The following NDST3 variants were observed in gnomAD, a reference collection of about 807,000 sequenced individuals.
NDST3 encodes N-deacetylase and N-sulfotransferase 3, also known as bifunctional heparan sulfate N-deacetylase/N-sulfotransferase 3.
NDST3 carries 58 observed loss-of-function variants against 96.1 expected under a neutral mutation model. The observed-to-expected ratio is 0.60, with a 90% CI of 0.49 to 0.75. The LOEUF (loss-of-function observed/expected upper bound fraction) is 0.75, where lower values mean the gene tolerates loss of function less well. Among genes scored for constraint, NDST3 ranks in the 30% least tolerant of loss-of-function variants. The pLI is 0.00. For missense variants in NDST3, 788 were observed against 1,034.2 expected, an observed-to-expected ratio of 0.76 and a Z score of 3.27; for synonymous variants, 333 against 359.7, an observed-to-expected ratio of 0.93 and a Z score of 0.84.
intron 6 of NDST3, among the ~76,000 whole-genome samples, chr4:118,192,724 TG>T (rs201176884): frequency 0.021 from 3,193 of 148,890 alleles, 126 homozygotes; most frequent in African/African-American, 0.076. Context: ...TTTTTTTTTT[TG>T]TTTTTATTGT....
At chr4:118,173,971 G>T (rs1736118112) in intron 6 of NDST3, among the ~76,000 whole-genome samples, 1 of 152,182 alleles carries the variant, frequency 6.6e-6, no homozygotes, top group African/African-American at 2.4e-5. Context: ...AAGAATAAAT[G>T]AAGCAGTGAC....
chr4:118,041,002 C>T (rs1466930125), intron 1 of NDST3, among the ~76,000 whole-genome samples: 1 of 151,428 alleles, frequency 6.6e-6, no homozygotes. Context: ...CCCACCTCAG[C>T]CTCCCCTCGT....
At chr4:118,076,405 AT>A (rs1163416124) in intron 2 of NDST3, among the ~76,000 whole-genome samples, 1 of 151,846 alleles carries the variant, frequency 6.6e-6, no homozygotes, top group Middle Eastern at 3.2e-3. Flanking sequence ...TAAGTTGCTC[AT>A]TTTCTCTCTG....
chr4:118,236,981 C>T, intron 9 of NDST3, 65 bp from the exon 10 acceptor site: 1 of 1,239,198 alleles, frequency 8.1e-7, no homozygotes, highest in Non-Finnish European at 1.1e-6. Context: ...ACACTTTTAA[C>T]ATCTTTGGTC....
intron 6 of NDST3, among the ~76,000 whole-genome samples, chr4:118,159,172 C>T (rs1408880628): frequency 6.6e-6 from 1 of 152,110 alleles, no homozygotes; most frequent in Non-Finnish European, 1.5e-5. Flanking sequence ...TGGATGGTTG[C>T]CCGAGAAACT....
chr4:118,192,016 T>A (rs1737338454), intron 6 of NDST3, among the ~76,000 whole-genome samples: 2 of 152,254 alleles, frequency 1.3e-5, no homozygotes, highest in African/African-American at 4.8e-5. Context: ...TAGTTTTGAT[T>A]TGCACTTCTC....
At chr4:118,199,722 T>C (rs1203303725) in intron 6 of NDST3, among the ~76,000 whole-genome samples, 1 of 152,164 alleles carries the variant, frequency 6.6e-6, no homozygotes, top group African/African-American at 2.4e-5. Flanking sequence ...TTCCAGATAT[T>C]CAAAAGGACT....
chr4:118,115,605 C>A (rs981373930), intron 4 of NDST3, among the ~76,000 whole-genome samples: 1 of 152,082 alleles, frequency 6.6e-6, no homozygotes, highest in African/African-American at 2.4e-5. Context: ...AAGCAAGGTA[C>A]ACCATGTAAT....
chr4:118,164,031 T>C (rs1045479201), intron 6 of NDST3, among the ~76,000 whole-genome samples: 1 of 152,128 alleles, frequency 6.6e-6, no homozygotes, highest in African/African-American at 2.4e-5. Context: ...TGTTCTATCA[T>C]AAACACACAT....
chr4:118,213,955 A>C (rs1489161519), intron 6 of NDST3, among the ~76,000 whole-genome samples: 5 of 152,132 alleles, frequency 3.3e-5, no homozygotes. Context: ...CATACACATG[A>C]CTGTAGATAT....
At position 118,162,448 on chromosome 4, in the gene NDST3, T is replaced by G. The variant is rs1578749913; in HGVS notation, c.1539+18764T>G. 2.0e-5 allele frequency among the ~76,000 whole-genome samples: 3 copies of G among 152,008 alleles called. No individual in the cohort carries two copies. The East Asian group carries it at 5.8e-4, about 29-fold the overall frequency. Reference sequence around the variant, plus strand: ...CAGAGCCCTCAGAAATAATGCTGCGTATCTACAACTATCTGATCTTTGAAA... The same window carrying G: ...CAGAGCCCTCAGAAATAATGCTGCGGATCTACAACTATCTGATCTTTGAAA... On this transcript the variant is annotated intron_variant, in intron 6 of 13. Coordinates refer to ENST00000296499, the MANE Select transcript of NDST3 (RefSeq NM_004784.3).
intron 6 of NDST3, among the ~76,000 whole-genome samples, chr4:118,145,792 T>G (rs538437889): frequency 1.2e-4 from 18 of 152,218 alleles, no homozygotes; most frequent in African/African-American, 4.3e-4. Flanking sequence ...GACAATTACT[T>G]TCAGAAAAAA....
At chr4:118,099,248 G>A (rs943681901) in intron 2 of NDST3, among the ~76,000 whole-genome samples, 2 of 152,050 alleles carry the variant, frequency 1.3e-5, no homozygotes, top group Non-Finnish European at 2.9e-5. Flanking sequence ...TCAATCTGCT[G>A]CTGTTCTGCC....
At chr4:118,043,635 C>G (rs906502985) in intron 1 of NDST3, among the ~76,000 whole-genome samples, 1 of 152,140 alleles carries the variant, frequency 6.6e-6, no homozygotes, top group Non-Finnish European at 1.5e-5. Context: ...TGTAACTTTG[C>G]CTTTGCCTAC....
intron 2 of NDST3, among the ~76,000 whole-genome samples, chr4:118,089,280 A>T (rs1314118460): frequency 6.6e-6 from 1 of 151,998 alleles, no homozygotes; most frequent in Non-Finnish European, 1.5e-5. Context: ...TGTAGAACTT[A>T]AGGGGTTTAT....
At chr4:118,060,687 T>C (rs1447168552) in intron 2 of NDST3, among the ~76,000 whole-genome samples, 1 of 152,168 alleles carries the variant, frequency 6.6e-6, no homozygotes. Context: ...TCTTTCTTTT[T>C]TCTATCCATT....
At position 118,251,128 on chromosome 4, in the gene NDST3, T is replaced by TA. The variant is rs1177467753; in HGVS notation, c.2400-2371_2400-2370insA. Among the ~76,000 whole-genome samples the TA allele has an allele frequency of 4.1e-3, 457 of 112,212 alleles. 24 individuals carry two copies. The highest frequency in any genetic ancestry group is 6.3e-3 in the Admixed American group (63 of 9,996). 73.6% of individuals were successfully genotyped at this position (112,212 alleles called of 152,430 possible). On this transcript the variant is annotated intron_variant, in intron 12 of 13. Coordinates refer to ENST00000296499, the MANE Select transcript of NDST3 (RefSeq NM_004784.3). ...TATTTATTTATTTATTATTTTTATT[T>TA]TATTTTTTTTTTTTTTGAGACGGAG...
At chr4:118,176,096 T>G (rs1447776323) in intron 6 of NDST3, among the ~76,000 whole-genome samples, 2 of 152,024 alleles carry the variant, frequency 1.3e-5, no homozygotes, top group Non-Finnish European at 2.9e-5. Flanking sequence ...TTTTGGCAAT[T>G]TTTTGTACTC....
rs946256213 is a variant in NDST3 at position 118,245,737 on chromosome 4, T to G, written c.2399+3588T>G. Among the ~76,000 whole-genome samples, 3 of 152,158 alleles carry G rather than the reference T, an allele frequency of 2.0e-5. No individual in the cohort carries two copies. The South Asian group carries it at 6.2e-4, about 31-fold the overall frequency. ...TATTCTAATTTCTTATTATAAATTT[T>G]TAAGTGGTTGTAACAGTTCAAAATA... On this transcript the variant is annotated intron_variant, in intron 12 of 13. Transcript: ENST00000296499.
Sources: gnomAD v4.1 joint callset for allele counts (sites outside exome capture counted in the v4.1 genomes callset) on GRCh38, gnomAD v4.1.1 for gene constraint, MANE v1.5 for transcripts, NCBI Gene and HGNC (gene_info 2026-07-23, HGNC 2026-07-21) for gene names.